The following MLKL variants were observed in gnomAD, a reference collection of about 807,000 sequenced individuals.
The protein encoded by MLKL is mixed lineage kinase domain-like protein.
In MLKL, 55 loss-of-function variants were observed where a neutral mutation model predicts 56.5. That is an observed-to-expected ratio of 0.97 (90% CI 0.78 to 1.22). The LOEUF (loss-of-function observed/expected upper bound fraction) is 1.22. Among genes scored for constraint, MLKL ranks in the 50% most tolerant of loss-of-function variants. MLKL has a pLI of 0.00. For synonymous variants in MLKL, 251 were observed against 208.3 expected (o/e 1.20, Z -1.76); for missense variants, 694 against 573.9 (o/e 1.21, Z -2.14).
In MLKL at chr16:74,685,482, T is replaced by C. The variant is rs778697038; in HGVS notation, c.820+4A>G. 2 of 1,611,898 alleles carry C rather than the reference T, an allele frequency of 1.2e-6. No individual in the cohort carries two copies. The highest frequency in any genetic ancestry group is 2.2e-5 in the South Asian group (2 of 90,976). On this transcript the variant is annotated splice_donor_region_variant and intron_variant, in intron 5 of 10. Transcript: ENST00000308807. ...GCTTGACCAATCCTAGAAGCATTCC[T>C]TACCTGTTTCATCAATGCAAATCCC...
chr16:74,693,007 A>G (rs778596760), intron 2 of MLKL, among the ~76,000 whole-genome samples: 1 of 152,228 alleles, frequency 6.6e-6, no homozygotes, highest in Non-Finnish European at 1.5e-5. Context: ...AAAGTGGGAA[A>G]GTCTCTTATG....
intron 4 of MLKL, among the ~76,000 whole-genome samples, chr16:74,690,450 T>C (rs1364379868): frequency 6.6e-6 from 1 of 152,034 alleles, no homozygotes; most frequent in Non-Finnish European, 1.5e-5. Flanking sequence ...TGGCATCTTT[T>C]TGGTGGGGAA....
At chr16:74,696,299 T>A (rs1961037810) in intron 1 of MLKL, among the ~76,000 whole-genome samples, 1 of 152,210 alleles carries the variant, frequency 6.6e-6, no homozygotes, top group Non-Finnish European at 1.5e-5. Context: ...TTATATCAGT[T>A]TCGTCTATTA....
chr16:74,683,744 G>A (rs774509129), intron 5 of MLKL, among the ~76,000 whole-genome samples: 1 of 151,834 alleles, frequency 6.6e-6, no homozygotes, highest in African/African-American at 2.4e-5. Context: ...TGTCTGTCTT[G>A]TTCACATGGG....
In MLKL at chr16:74,675,169, G is replaced by A. The variant is rs181816006; in HGVS notation, c.1241-69C>T. On this transcript the variant is annotated intron_variant, in intron 9 of 10. Transcript: ENST00000308807. ...TCGTACATCTCTCTGGATGCTGATG[G>A]CTGGCATCAGAACTAGGGACTCTGA... is the stretch of plus-strand genomic sequence containing the variant. The A allele has an allele frequency of 1.3e-5, 20 of 1,586,352 alleles. No individual in the cohort carries two copies. The East Asian group carries it at 1.8e-4, about 14-fold the overall frequency.
At chr16:74,696,249 G>C (rs975400180) in intron 1 of MLKL, among the ~76,000 whole-genome samples, 1 of 152,104 alleles carries the variant, frequency 6.6e-6, no homozygotes, top group Non-Finnish European at 1.5e-5. Flanking sequence ...GAATAAACTT[G>C]TATTGCATGT....
rs147029225 is a variant in MLKL, at chr16:74,689,177, C to T, written c.722+2100G>A. On this transcript the variant is annotated intron_variant, in intron 4 of 10. Coordinates refer to ENST00000308807, the MANE Select transcript of MLKL (RefSeq NM_152649.4). ...TTACCCAGGCTGGAGTGCAGTGGCACGATCTCAGCTCACTGCAACCTTGGC... is the reference window on the plus strand; with the variant it reads ...TTACCCAGGCTGGAGTGCAGTGGCATGATCTCAGCTCACTGCAACCTTGGC... Among the ~76,000 whole-genome samples, 1,111 of 150,600 alleles carry T rather than the reference C, an allele frequency of 7.4e-3. 8 individuals carry two copies. Among genetic ancestry groups the T allele is most frequent in the Non-Finnish European group, 0.012 (828 of 67,704 alleles).
intron 6 of MLKL, among the ~76,000 whole-genome samples, chr16:74,680,494 T>C (rs1274294306): frequency 6.8e-6 from 1 of 147,362 alleles, no homozygotes; most frequent in East Asian, 1.9e-4. Flanking sequence ...TTTGTTTTTT[T>C]GTTTTTGTTT....
chr16:74,681,391 A>G (rs1959958153), intron 6 of MLKL, among the ~76,000 whole-genome samples: 1 of 152,146 alleles, frequency 6.6e-6, no homozygotes. Flanking sequence ...CACTGGTAGT[A>G]GTATAGTTAA....
At chr16:74,687,043 T>G (rs1206286500) in intron 4 of MLKL, among the ~76,000 whole-genome samples, 1 of 152,182 alleles carries the variant, frequency 6.6e-6, no homozygotes, top group African/African-American at 2.4e-5. Context: ...TGGCATGATC[T>G]CGGCTCACTG....
intron 10 of MLKL, among the ~76,000 whole-genome samples, chr16:74,673,952 T>TAAAAAAAAAA: frequency 9.6e-6 from 1 of 104,656 alleles, no homozygotes. Flanking sequence ...ACCTCCTCTC[T>TAAAAAAAAAA]AAAAAAAAAA....
rs771088555 is a variant in MLKL at position 74,695,194 on chromosome 16, A to T, written c.460+104T>A. The T allele has an allele frequency of 9.5e-6, 12 of 1,259,232 alleles. No homozygotes were observed. In the South Asian group the frequency reaches 1.7e-4, roughly 17 times the overall value. The allele number at this position is 1,259,232 out of a possible 1,614,324, so 78.0% of individuals were successfully genotyped here. On this transcript the variant is annotated intron_variant, in intron 2 of 10. Coordinates refer to ENST00000308807, the MANE Select transcript of MLKL (RefSeq NM_152649.4). ...GCTAGGAGTTTTGAGGTACAAGTAT[A>T]TTACAACTGCTCAAACTTCATCATT...
intron 5 of MLKL, among the ~76,000 whole-genome samples, chr16:74,684,276 A>C (rs540612583): frequency 2.0e-5 from 3 of 151,724 alleles, no homozygotes; most frequent in South Asian, 2.1e-4. Context: ...GGGATTCCAC[A>C]CTCTGAAATC....
At position 74,672,483 on chromosome 16, in the gene MLKL, C is replaced by A. The variant is rs370648769; in HGVS notation, c.*21G>T. The A allele has an allele frequency of 6.2e-7, 1 of 1,610,366 alleles. No individual in the cohort carries two copies. The highest frequency in any genetic ancestry group is 1.3e-5 in the African/African-American group (1 of 74,784). Reference sequence around the variant, plus strand: ...CTCCCAGCTTCTTGTCCAGAGACTCCTTGGTTTAGATTTTGATACACTACT... The same window carrying A: ...CTCCCAGCTTCTTGTCCAGAGACTCATTGGTTTAGATTTTGATACACTACT... On this transcript the variant is annotated 3_prime_UTR_variant, in exon 11 of 11. Coordinates refer to ENST00000308807, the MANE Select transcript of MLKL (RefSeq NM_152649.4).
intron 5 of MLKL, among the ~76,000 whole-genome samples, chr16:74,683,593 CAAAA>C (rs35511363): frequency 1.6e-5 from 2 of 123,314 alleles, no homozygotes. Flanking sequence ...GACTCTGTCT[CAAAA>C]AAAAAAAAAA....
At chr16:74,678,847 T>A (rs1158338999) in intron 7 of MLKL, 52 bp downstream of exon 7, 1 of 1,327,998 alleles carries the variant, frequency 7.5e-7, no homozygotes, top group Non-Finnish European at 1.1e-6. Flanking sequence ...GCCCCTCTCA[T>A]AGCACCAGTC....
At position 74,678,908 on chromosome 16, in the gene MLKL, G is replaced by T; in HGVS notation, c.1029C>A (p.Tyr343Ter). The part of the protein sequence containing the change: ...RSSNFLVTQG[Y>*]QVKLAGFELR... ...CGCAAGGCACACTCACCTTCACTTG[G>T]TAGCCTTGAGTTACCAGGAAGTTTG... The change falls in exon 7 of 11, where the codon TAC becomes TAA. Residue 343 changes from tyrosine (Y) to a stop codon, truncating the protein, a stop_gained. Coordinates refer to ENST00000308807, the MANE Select transcript of MLKL (RefSeq NM_152649.4). LOFTEE classifies it high-confidence loss of function. The T allele has an allele frequency of 3.1e-6, 5 of 1,614,072 alleles. No individual in the cohort carries two copies. Among genetic ancestry groups the T allele is most frequent in the Non-Finnish European group, 2.5e-6 (3 of 1,179,952 alleles).
chr16:74,685,864 A>G (rs1041665854), intron 4 of MLKL, among the ~76,000 whole-genome samples: 2 of 152,198 alleles, frequency 1.3e-5, no homozygotes, highest in Non-Finnish European at 2.9e-5. Context: ...TATGACCTAC[A>G]GGGCTTTACT....
At chr16:74,680,479 TTTTTTTTG>T (rs1959881946) in intron 6 of MLKL, among the ~76,000 whole-genome samples, 1 of 151,714 alleles carries the variant, frequency 6.6e-6, no homozygotes, top group African/African-American at 2.4e-5. Context: ...GTTTGGTATT[TTTTTTTTG>T]TTTTTTTGTT....
Sources: gnomAD v4.1 joint callset for allele counts (sites outside exome capture counted in the v4.1 genomes callset) on GRCh38, gnomAD v4.1.1 for gene constraint, MANE v1.5 for transcripts, NCBI Gene and HGNC (gene_info 2026-07-23, HGNC 2026-07-21) for gene names.